MAPK10: variants seen among roughly 807,000 people sequenced by gnomAD.
The protein encoded by MAPK10 is mitogen-activated protein kinase 10.
Under a neutral mutation model 59.3 loss-of-function variants are expected in MAPK10, and 25 were observed. That is an observed-to-expected ratio of 0.42 (90% confidence interval 0.31 to 0.59). The LOEUF (loss-of-function observed/expected upper bound fraction) is 0.59, where lower values mean the gene tolerates loss of function less well. Ranked by LOEUF, MAPK10 falls within the 20% of genes least tolerant of loss-of-function variation. The pLI, the probability that MAPK10 is intolerant of heterozygous loss-of-function variation, is 0.15. For synonymous variants in MAPK10, 190 were observed against 200.5 expected (o/e 0.95, Z 0.44); for missense variants, 351 against 568.9 (o/e 0.62, Z 3.90).
rs1037032700 is a variant in MAPK10, at chr4:86,584,347, T to C, written c.-263+9563A>G. 3.3e-5 allele frequency among the ~76,000 whole-genome samples: 5 copies of C among 152,316 alleles called. 1 individual carries two copies. In the Middle Eastern group the frequency reaches 0.01, roughly 311 times the overall value. On this transcript the variant is annotated intron_variant, in intron 1 of 4. Coordinates refer to the MAPK10 transcript ENST00000502302. ...AGTAAGTGACACTCAGGTATTAAAC[T>C]TTTAGGAGGTCTAAGTGGAAAAACA...
At chr4:86,518,878 A>T (rs1756907210) in intron 1 of MAPK10, among the ~76,000 whole-genome samples, 1 of 152,224 alleles carries the variant, frequency 6.6e-6, no homozygotes, top group African/African-American at 2.4e-5. Context: ...TGACCCAAAC[A>T]TCATTCAGGA....
At chr4:86,394,695 G>A (rs896926463) in intron 1 of MAPK10, among the ~76,000 whole-genome samples, 3 of 152,186 alleles carry the variant, frequency 2.0e-5, no homozygotes, top group Non-Finnish European at 4.4e-5. Context: ...TACCATAAAT[G>A]ACAGACATTT....
intron 4 of MAPK10, among the ~76,000 whole-genome samples, chr4:86,140,712 T>C (rs1011674330): frequency 6.6e-6 from 1 of 152,026 alleles, no homozygotes; most frequent in Non-Finnish European, 1.5e-5. Flanking sequence ...AGGAAATTTA[T>C]GTATGCATTC....
intron 1 of MAPK10, among the ~76,000 whole-genome samples, chr4:86,437,147 G>C (rs7679269): frequency 0.32 from 48,595 of 149,998 alleles, 7,950 homozygotes; most frequent in Admixed American, 0.34. Flanking sequence ...CTGGGAGGTG[G>C]AGCTTGCAGT....
intron 2 of MAPK10, among the ~76,000 whole-genome samples, chr4:86,194,644 A>G (rs1416544757): frequency 6.6e-6 from 1 of 152,142 alleles, no homozygotes; most frequent in Admixed American, 6.5e-5. Context: ...AAGATTAGAT[A>G]TAAGAAAGTG....
At chr4:86,412,366 T>C (rs751867570) in intron 1 of MAPK10, among the ~76,000 whole-genome samples, 23 of 152,194 alleles carry the variant, frequency 1.5e-4, no homozygotes, top group African/African-American at 4.6e-4. Flanking sequence ...GTGAATCTGA[T>C]GATTATGTGT....
intron 1 of MAPK10, among the ~76,000 whole-genome samples, chr4:86,378,795 T>C (rs910919619): frequency 7.2e-5 from 11 of 152,046 alleles, no homozygotes; most frequent in African/African-American, 2.2e-4. Flanking sequence ...GTCACATAAA[T>C]CCCTCATGGA....
intron 3 of MAPK10, among the ~76,000 whole-genome samples, chr4:86,174,354 C>A (rs1282345561): frequency 2.0e-5 from 3 of 152,100 alleles, no homozygotes; most frequent in African/African-American, 7.2e-5. Context: ...TCATCCTCAG[C>A]AAACTAACAT....
intron 2 of MAPK10, among the ~76,000 whole-genome samples, chr4:86,214,079 CA>C (rs1364773097): frequency 2.6e-5 from 4 of 151,906 alleles, no homozygotes; most frequent in Middle Eastern, 3.2e-3. Context: ...GTTCAACATA[CA>C]AAAATCAATC....
chr4:86,562,819 G>A (rs1378241550), intron 1 of MAPK10, among the ~76,000 whole-genome samples: 1 of 152,138 alleles, frequency 6.6e-6, no homozygotes, highest in African/African-American at 2.4e-5. Flanking sequence ...TTCTACAGTG[G>A]ATTACACTGC....
At chr4:86,201,267 T>G (rs551727365) in intron 2 of MAPK10, among the ~76,000 whole-genome samples, 4 of 151,860 alleles carry the variant, frequency 2.6e-5, no homozygotes, top group Non-Finnish European at 5.9e-5. Context: ...AACACTTAGG[T>G]TGAAGGAATA....
At chr4:86,198,171 T>C (rs767919744) in intron 2 of MAPK10, among the ~76,000 whole-genome samples, 1 of 152,146 alleles carries the variant, frequency 6.6e-6, no homozygotes, top group Non-Finnish European at 1.5e-5. Context: ...AGGATGATTA[T>C]ATAGCAGACA....
chr4:86,483,310 T>C (rs987196256), intron 1 of MAPK10, among the ~76,000 whole-genome samples: 2 of 152,098 alleles, frequency 1.3e-5, no homozygotes, highest in Non-Finnish European at 2.9e-5. Flanking sequence ...GTTAACAACT[T>C]AACAAAAGAC....
At chr4:86,375,742 A>T (rs886862855) in intron 1 of MAPK10, among the ~76,000 whole-genome samples, 11 of 150,064 alleles carry the variant, frequency 7.3e-5, no homozygotes, top group African/African-American at 2.7e-4. Flanking sequence ...AAAAAAAAAA[A>T]ATTAAATGGA....
intron 1 of MAPK10, among the ~76,000 whole-genome samples, chr4:86,431,809 C>T (rs957872454): frequency 6.6e-6 from 1 of 152,152 alleles, no homozygotes; most frequent in African/African-American, 2.4e-5. Context: ...TCGCATTGAG[C>T]TTCATGCCTC....
intron 2 of MAPK10, among the ~76,000 whole-genome samples, chr4:86,344,044 A>G (rs1215138731): frequency 6.6e-6 from 1 of 152,264 alleles, no homozygotes; most frequent in Non-Finnish European, 1.5e-5. Flanking sequence ...TTTCAAGAAT[A>G]TAAAGGGATC....
intron 1 of MAPK10, among the ~76,000 whole-genome samples, chr4:86,578,615 G>C (rs1199195469): frequency 6.6e-6 from 1 of 151,668 alleles, no homozygotes; most frequent in Non-Finnish European, 1.5e-5. Flanking sequence ...TATTTTCAAA[G>C]GTTAAACTAT....
intron 1 of MAPK10, among the ~76,000 whole-genome samples, chr4:86,580,897 C>T (rs117134554): frequency 1.1e-4 from 17 of 152,204 alleles, no homozygotes; most frequent in Non-Finnish European, 2.2e-4. Flanking sequence ...CTACTTCCTG[C>T]GGATAAACAG....
chr4:86,485,177 C>T (rs1452075901), intron 1 of MAPK10, among the ~76,000 whole-genome samples: 3 of 152,124 alleles, frequency 2.0e-5, no homozygotes, highest in African/African-American at 4.8e-5. Context: ...CCCACTTAAC[C>T]TTTAGCCTTC....
Sources: allele counts gnomAD v4.1 joint callset (sites outside exome capture counted in the v4.1 genomes callset), GRCh38; gene constraint gnomAD v4.1.1; transcripts MANE v1.5; gene names NCBI Gene and HGNC (gene_info 2026-07-23, HGNC 2026-07-21).